Variants in PAK1 observed in about 807,000 individuals in gnomAD.
PAK1 encodes the protein p21 (RAC1) activated kinase 1.
PAK1 carries 29 observed loss-of-function variants against 67.4 expected under a neutral mutation model. The ratio of observed to expected loss-of-function variants is 0.43; its 90% CI spans 0.32 to 0.59. The LOEUF (loss-of-function observed/expected upper bound fraction) is 0.59. Ranked by LOEUF, PAK1 falls within the 20% of genes least tolerant of loss-of-function variation. The pLI is 0.07. For missense variants in PAK1, 337 were observed against 670.7 expected, an observed-to-expected ratio of 0.50 and a Z score of 5.50; for synonymous variants, 223 against 237.4, an observed-to-expected ratio of 0.94 and a Z score of 0.56.
chr11:77,513,538 G>C, the PAK1 span, among the ~76,000 whole-genome samples: 1 of 151,930 alleles, frequency 6.6e-6, no homozygotes. Context: ...TGGCATGGTG[G>C]CACATCCCTG....
At chr11:77,514,132 C>T in the PAK1 span, among the ~76,000 whole-genome samples, 1 of 152,162 alleles carries the variant, frequency 6.6e-6, no homozygotes, top group African/African-American at 2.4e-5. Flanking sequence ...TGAATGGGAA[C>T]CTATTCCTTT....
chr11:77,351,267 T>C (rs906761280), intron 8 of PAK1, among the ~76,000 whole-genome samples: 2 of 151,450 alleles, frequency 1.3e-5, no homozygotes, highest in African/African-American at 4.9e-5. Context: ...AAGAACATTA[T>C]GCAGATGTTG....
chr11:77,347,667 C>T (rs988277365), intron 9 of PAK1, among the ~76,000 whole-genome samples: 1 of 152,134 alleles, frequency 6.6e-6, no homozygotes, highest in African/African-American at 2.4e-5. Flanking sequence ...TGGTCTCTTA[C>T]ATTTACATAT....
At chr11:77,362,202 T>C (rs2136663717) in intron 5 of PAK1, among the ~76,000 whole-genome samples, 1 of 152,294 alleles carries the variant, frequency 6.6e-6, no homozygotes, top group South Asian at 2.1e-4. Context: ...AAGGTGTATA[T>C]TCTTAGCATA....
At chr11:77,475,077 A>G (rs1477355426), upstream of PAK1, 1 of 152,258 alleles carries the variant, frequency 6.6e-6, no homozygotes, top group Non-Finnish European at 1.5e-5. Flanking sequence ...CCATGGTAAT[A>G]GTAACAAGCC....
chr11:77,473,031 G>C (rs1302708250), intron 1 of PAK1, among the ~76,000 whole-genome samples: 2 of 152,196 alleles, frequency 1.3e-5, no homozygotes, highest in African/African-American at 4.8e-5. Flanking sequence ...ATATTCCGGG[G>C]TGGGGGAGGG....
At chr11:77,407,893 C>G (rs974862106) in intron 1 of PAK1, among the ~76,000 whole-genome samples, 1 of 152,188 alleles carries the variant, frequency 6.6e-6, no homozygotes, top group African/African-American at 2.4e-5. Flanking sequence ...GCACAGTGAC[C>G]TGCCACATGG....
chr11:77,512,888 G>C, the PAK1 span, among the ~76,000 whole-genome samples: 1 of 152,022 alleles, frequency 6.6e-6, no homozygotes, highest in South Asian at 2.1e-4. Flanking sequence ...GAGCCCAGGA[G>C]TTCGAGACTG....
At chr11:77,324,808 A>G (rs112420693) in intron 14 of PAK1, among the ~76,000 whole-genome samples, 2,908 of 136,564 alleles carry the variant, frequency 0.021, 91 homozygotes, top group African/African-American at 0.089. Context: ...GAGAGAGAGA[A>G]AGAGAAAGAG....
At chr11:77,346,977 T>C (rs1944520742) in intron 9 of PAK1, 3 of 455,166 alleles carry the variant, frequency 6.6e-6, no homozygotes, top group East Asian at 1.4e-4. Flanking sequence ...TCTTCCTATA[T>C]GTGAGACACT....
At chr11:77,375,614 TTTGA>T (rs1373228336) in intron 4 of PAK1, among the ~76,000 whole-genome samples, 6 of 152,252 alleles carry the variant, frequency 3.9e-5, no homozygotes, top group Non-Finnish European at 8.8e-5. Context: ...CTTTATTTTC[TTTGA>T]TTGGTATGCA....
chr11:77,424,136 C>A (rs910118667), intron 1 of PAK1, among the ~76,000 whole-genome samples: 1 of 152,196 alleles, frequency 6.6e-6, no homozygotes, highest in African/African-American at 2.4e-5. Context: ...TGGGTACCAC[C>A]GTCACTTCTG....
Position 77,340,712 on chromosome 11 carries a change from G to A in PAK1, c.1050C>T (p.Gly350=). The A allele has an allele frequency of 6.2e-7, 1 of 1,611,558 alleles. No individual in the cohort carries two copies. Among genetic ancestry groups the A allele is most frequent in the South Asian group, 1.1e-5 (1 of 91,046 alleles). The change falls in exon 11 of 15, where the codon GGC becomes GGT. Residue 350 remains glycine, a synonymous_variant. Coordinates refer to ENST00000356341, the MANE Select transcript of PAK1 (RefSeq NM_002576.5). The stretch of plus-strand genomic sequence containing the variant: ...TTTCTGTCACCACATCTGTCAAGGA[G>A]CCTCCAGCCAAGTATTCCATAACAA... ...LWVVMEYLAG[G]SLTDVVTETC...
At chr11:77,429,056 TAAA>T (rs566874549) in intron 1 of PAK1, among the ~76,000 whole-genome samples, 15 of 48,980 alleles carry the variant, frequency 3.1e-4, no homozygotes, top group South Asian at 1.3e-3. Context: ...CATTTAATAC[TAAA>T]AAAAAAAAAA....
chr11:77,482,040 G>A, the PAK1 span, among the ~76,000 whole-genome samples: 205 of 152,164 alleles, frequency 1.3e-3, 1 homozygote, highest in African/African-American at 4.8e-3. Flanking sequence ...CCAGGCTGGA[G>A]TGTAGTGGCA....
chr11:77,500,062 G>A, the PAK1 span, among the ~76,000 whole-genome samples: 1 of 152,146 alleles, frequency 6.6e-6, no homozygotes, highest in African/African-American at 2.4e-5. Context: ...TGCTCCCTTG[G>A]AAAATTTTGT....
intron 12 of PAK1, among the ~76,000 whole-genome samples, chr11:77,336,578 C>T (rs1485739998): frequency 3.3e-5 from 5 of 152,202 alleles, no homozygotes; most frequent in Non-Finnish European, 2.9e-5. Context: ...GTCTTGATTG[C>T]TCATCCCAAT....
At chr11:77,486,376 C>G in the PAK1 span, among the ~76,000 whole-genome samples, 2 of 152,022 alleles carry the variant, frequency 1.3e-5, no homozygotes, top group South Asian at 4.1e-4. Flanking sequence ...GGAGGTGGGG[C>G]AAGATGGCTG....
chr11:77,406,984 G>A (rs1385085320), intron 1 of PAK1, among the ~76,000 whole-genome samples: 1 of 152,142 alleles, frequency 6.6e-6, no homozygotes, highest in Non-Finnish European at 1.5e-5. Context: ...TAACAGCCTA[G>A]GAGTCAGGGG....
Sources: gnomAD v4.1 joint callset for allele counts (sites outside exome capture counted in the v4.1 genomes callset) on GRCh38, gnomAD v4.1.1 for gene constraint, MANE v1.5 for transcripts, NCBI Gene and HGNC (gene_info 2026-07-23, HGNC 2026-07-21) for gene names.